DGKB: variants seen among roughly 807,000 people sequenced by gnomAD.
DGKB encodes diacylglycerol kinase beta.
In DGKB, 67 loss-of-function variants were observed where a neutral mutation model predicts 114.3. The ratio of observed to expected loss-of-function variants is 0.59; its 90% CI spans 0.48 to 0.72. The LOEUF (loss-of-function observed/expected upper bound fraction) is 0.72, where lower values mean the gene tolerates loss of function less well. Ranked by LOEUF, DGKB falls within the 30% of genes least tolerant of loss-of-function variation. DGKB has a pLI of 0.00. For synonymous variants in DGKB, 398 were observed against 323.1 expected, an observed-to-expected ratio of 1.23 and a Z score of -2.49; for missense variants, 907 against 975.2, an observed-to-expected ratio of 0.93 and a Z score of 0.93.
intron 2 of DGKB, among the ~76,000 whole-genome samples, chr7:14,798,781 T>C: frequency 6.6e-6 from 1 of 152,218 alleles, no homozygotes; most frequent in East Asian, 1.9e-4. Flanking sequence ...ACACCCATCC[T>C]GTGGTTATTT....
chr7:14,645,518 T>C (rs1331068775), intron 13 of DGKB, among the ~76,000 whole-genome samples: 1 of 151,840 alleles, frequency 6.6e-6, no homozygotes, highest in Non-Finnish European at 1.5e-5. Context: ...CACTGAACTG[T>C]GGAAGCGAAA....
chr7:14,407,339 G>A (rs564278450), intron 21 of DGKB, among the ~76,000 whole-genome samples: 2 of 152,096 alleles, frequency 1.3e-5, no homozygotes, highest in South Asian at 4.1e-4. Context: ...AAATCCTATC[G>A]GCTTCCAATA....
intron 23 of DGKB, among the ~76,000 whole-genome samples, chr7:14,284,688 A>G (rs1357070481): frequency 6.6e-6 from 1 of 151,306 alleles, no homozygotes; most frequent in Non-Finnish European, 1.5e-5. Flanking sequence ...GCCATAAAAA[A>G]TGATGAGTTC....
chr7:14,335,810 G>C (rs1485029294), intron 23 of DGKB, among the ~76,000 whole-genome samples: 1 of 152,146 alleles, frequency 6.6e-6, no homozygotes, highest in Admixed American at 6.6e-5. Flanking sequence ...CTGAGGTGCA[G>C]TGGCGCAATC....
intron 13 of DGKB, among the ~76,000 whole-genome samples, chr7:14,661,388 G>A (rs1817038359): frequency 4.2e-5 from 6 of 143,316 alleles, no homozygotes; most frequent in Admixed American, 2.9e-4. Flanking sequence ...TCAAAAAGTG[G>A]GCGAAGGACA....
chr7:14,394,641 G>A (rs943587834), intron 21 of DGKB, among the ~76,000 whole-genome samples: 3 of 149,282 alleles, frequency 2.0e-5, no homozygotes, highest in Non-Finnish European at 3.0e-5. Context: ...CTTTCTTCCT[G>A]CTATTCATTT....
chr7:14,731,661 C>T (rs1032585802), intron 5 of DGKB, among the ~76,000 whole-genome samples: 1 of 152,058 alleles, frequency 6.6e-6, no homozygotes, highest in African/African-American at 2.4e-5. Context: ...TTTTGATTGA[C>T]GGTTGAGGTT....
chr7:14,274,221 C>T (rs909406489), intron 23 of DGKB, among the ~76,000 whole-genome samples: 24 of 152,316 alleles, frequency 1.6e-4, no homozygotes, highest in African/African-American at 5.8e-4. Context: ...TTCCTCTGCT[C>T]TTGGCACTGT....
chr7:14,845,249 T>A (rs1231436974), intron 1 of DGKB, among the ~76,000 whole-genome samples: 1 of 151,960 alleles, frequency 6.6e-6, no homozygotes, highest in Non-Finnish European at 1.5e-5. Flanking sequence ...ATGCTAACCA[T>A]GTATCAAGGC....
intron 23 of DGKB, chr7:14,209,025 G>C (rs1013360936): frequency 4.5e-5 from 7 of 154,788 alleles, no homozygotes; most frequent in Admixed American, 4.5e-4. Context: ...GAGTAATATC[G>C]ACATACTTGC....
chr7:14,204,727 G>C (rs1786472889), intron 23 of DGKB, among the ~76,000 whole-genome samples: 1 of 151,956 alleles, frequency 6.6e-6, no homozygotes, highest in South Asian at 2.1e-4. Context: ...TGTCACAACA[G>C]GGCAGCAAAT....
chr7:14,150,265 T>C (rs893093193), intron 25 of DGKB, among the ~76,000 whole-genome samples: 3 of 152,106 alleles, frequency 2.0e-5, no homozygotes, highest in African/African-American at 7.2e-5. Context: ...GCATCAGAGA[T>C]GAGTATTTCT....
At chr7:14,895,401 G>A (rs1243967956) in intron 1 of DGKB, among the ~76,000 whole-genome samples, 1 of 151,438 alleles carries the variant, frequency 6.6e-6, no homozygotes, top group African/African-American at 2.4e-5. Flanking sequence ...ATGGAGGTTT[G>A]CAGGTGGGGC....
chr7:14,152,203 A>T (rs971509110), intron 25 of DGKB, among the ~76,000 whole-genome samples: 3 of 152,110 alleles, frequency 2.0e-5, no homozygotes, highest in Non-Finnish European at 2.9e-5. Flanking sequence ...AGTTTCAGCA[A>T]TCTGAGGACA....
At chr7:14,418,369 G>A (rs971541487) in intron 21 of DGKB, among the ~76,000 whole-genome samples, 34,509 of 118,784 alleles carry the variant, frequency 0.29, 5,008 homozygotes, top group East Asian at 0.48. Context: ...ATATGTGTGT[G>A]TGTATATATA....
At chr7:14,847,037 T>C (rs1848712797) in intron 1 of DGKB, among the ~76,000 whole-genome samples, 1 of 152,132 alleles carries the variant, frequency 6.6e-6, no homozygotes, top group Non-Finnish European at 1.5e-5. Context: ...ATGCCTGTAA[T>C]CCCAGGACTT....
chr7:14,940,089 A>G (rs1314248390), intron 1 of DGKB, among the ~76,000 whole-genome samples: 6 of 152,158 alleles, frequency 3.9e-5, no homozygotes, highest in Admixed American at 1.3e-4. Context: ...TCTCCACACT[A>G]AGCCTCAACC....
At chr7:14,655,247 A>G (rs1815519318) in intron 13 of DGKB, among the ~76,000 whole-genome samples, 2 of 152,030 alleles carry the variant, frequency 1.3e-5, no homozygotes, top group Middle Eastern at 3.4e-3. Context: ...GACATTTCTC[A>G]GAAGAAGAAA....
At chr7:14,643,278 G>T (rs1392212013) in intron 13 of DGKB, among the ~76,000 whole-genome samples, 1 of 152,122 alleles carries the variant, frequency 6.6e-6, no homozygotes, top group East Asian at 1.9e-4. Flanking sequence ...GAATCCTAGG[G>T]AGAGAAAAGC....
Sources: allele counts gnomAD v4.1 joint callset (sites outside exome capture counted in the v4.1 genomes callset), GRCh38; gene constraint gnomAD v4.1.1; transcripts MANE v1.5; gene names NCBI Gene and HGNC (gene_info 2026-07-23, HGNC 2026-07-21).